Variants in HIP1 observed in about 807,000 individuals in gnomAD.
The protein encoded by HIP1 is huntingtin-interacting protein 1.
In HIP1, 65 loss-of-function variants were observed where a neutral mutation model predicts 147.6. That is an observed-to-expected ratio of 0.44 (90% CI 0.36 to 0.54). The LOEUF (loss-of-function observed/expected upper bound fraction) is 0.54. Ranked by LOEUF, HIP1 falls within the 20% of genes least tolerant of loss-of-function variation. The pLI is 0.00. For missense variants in HIP1, 1,061 were observed against 1,299.6 expected (o/e 0.82, Z 2.82); for synonymous variants, 479 against 504.0 (o/e 0.95, Z 0.67).
chr7:75,594,450 C>A (rs1326793730), intron 2 of HIP1, among the ~76,000 whole-genome samples: 1 of 152,064 alleles, frequency 6.6e-6, no homozygotes, highest in Non-Finnish European at 1.5e-5. Flanking sequence ...CACACCCACC[C>A]TCTGCAGATA....
chr7:75,560,632 T>C (rs1288436160), intron 13 of HIP1, among the ~76,000 whole-genome samples: 1 of 152,180 alleles, frequency 6.6e-6, no homozygotes, highest in Non-Finnish European at 1.5e-5. Context: ...ACCAAGGTCA[T>C]CTCTGGGTAT....
intron 1 of HIP1, among the ~76,000 whole-genome samples, chr7:75,674,224 G>T (rs1355184761): frequency 1.3e-5 from 2 of 152,112 alleles, no homozygotes; most frequent in African/African-American, 4.8e-5. Context: ...GTTCTAACAA[G>T]TTCTAGTCAA....
intron 1 of HIP1, among the ~76,000 whole-genome samples, chr7:75,700,342 G>A (rs535127276): frequency 2.0e-5 from 3 of 152,250 alleles, no homozygotes; most frequent in South Asian, 2.1e-4. Context: ...GACTTGTGGC[G>A]CCTGGCCCTG....
chr7:75,729,284 C>T (rs1383493840), intron 1 of HIP1, among the ~76,000 whole-genome samples: 5 of 106,232 alleles, frequency 4.7e-5, no homozygotes, highest in East Asian at 3.1e-4. Flanking sequence ...GCCTGGGCAA[C>T]GTAGTGAGAT....
chr7:75,692,587 A>T (rs1388191083), intron 1 of HIP1, among the ~76,000 whole-genome samples: 1 of 143,120 alleles, frequency 7.0e-6, no homozygotes, highest in Non-Finnish European at 1.5e-5. Flanking sequence ...CGCCTGGCCA[A>T]TTTTTTTTTT....
At chr7:75,608,377 C>A (rs587655639) in intron 1 of HIP1, among the ~76,000 whole-genome samples, 1 of 152,102 alleles carries the variant, frequency 6.6e-6, no homozygotes, top group Non-Finnish European at 1.5e-5. Context: ...GATTTTGATA[C>A]GGTTGATGAA....
chr7:75,721,567 T>G (rs1162365328), intron 1 of HIP1, among the ~76,000 whole-genome samples: 1 of 151,962 alleles, frequency 6.6e-6, no homozygotes, highest in African/African-American at 2.4e-5. Context: ...ATTATTTTTG[T>G]TATATGCTAC....
intron 1 of HIP1, among the ~76,000 whole-genome samples, chr7:75,724,909 T>G (rs997209807): frequency 2.0e-5 from 3 of 152,156 alleles, no homozygotes; most frequent in Non-Finnish European, 4.4e-5. Flanking sequence ...AGGGCAGCAT[T>G]GGGAATGCTT....
At chr7:75,550,392 C>T (rs139594327) in intron 22 of HIP1, among the ~76,000 whole-genome samples, 49 of 152,250 alleles carry the variant, frequency 3.2e-4, no homozygotes, top group Middle Eastern at 3.4e-3. Context: ...AATTCAAGAG[C>T]GTGGTTGTTG....
intron 1 of HIP1, among the ~76,000 whole-genome samples, chr7:75,692,850 A>G (rs187893251): frequency 3.3e-5 from 5 of 152,252 alleles, no homozygotes; most frequent in African/African-American, 1.2e-4. Context: ...CAAATATTTT[A>G]GTAAATAATC....
chr7:75,555,672 T>A (rs1794973845), intron 18 of HIP1, 121 bp from the exon 19 acceptor site: 1 of 1,082,932 alleles, frequency 9.2e-7, no homozygotes. Flanking sequence ...TCCAAGCCAG[T>A]AAGCCTGAGA....
At chr7:75,623,064 G>A (rs1193836099) in intron 1 of HIP1, among the ~76,000 whole-genome samples, 1 of 151,710 alleles carries the variant, frequency 6.6e-6, no homozygotes, top group Admixed American at 6.6e-5. Context: ...CAGGCGTGGT[G>A]GTGCGTGCCT....
intron 1 of HIP1, among the ~76,000 whole-genome samples, chr7:75,691,406 G>A (rs943575431): frequency 1.7e-4 from 26 of 151,750 alleles, no homozygotes; most frequent in African/African-American, 4.6e-4. Context: ...CAGGAGAATC[G>A]CTTGAACCTG....
intron 1 of HIP1, among the ~76,000 whole-genome samples, chr7:75,732,529 C>T (rs1801870294): frequency 6.6e-6 from 1 of 152,056 alleles, no homozygotes; most frequent in Non-Finnish European, 1.5e-5. Context: ...ACCACCATGC[C>T]CAGCTAATTA....
At chr7:75,657,762 A>G (rs528238934) in intron 1 of HIP1, among the ~76,000 whole-genome samples, 2 of 152,044 alleles carry the variant, frequency 1.3e-5, no homozygotes, top group East Asian at 3.9e-4. Context: ...GGAGGGGGAG[A>G]AAGGCTGAAA....
intron 1 of HIP1, among the ~76,000 whole-genome samples, chr7:75,634,941 GAAAAAAAAAAAAAA>G (rs58461422): frequency 1.6e-5 from 1 of 62,582 alleles, no homozygotes; most frequent in Non-Finnish European, 2.9e-5. Flanking sequence ...CACTATCTCT[GAAAAAAAAAAAAAA>G]AAAAAAAAAA....
At chr7:75,538,919 G>T (rs1451518092) in intron 30 of HIP1, among the ~76,000 whole-genome samples, 5 of 152,052 alleles carry the variant, frequency 3.3e-5, no homozygotes, top group African/African-American at 1.2e-4. Flanking sequence ...GCCCTTCACT[G>T]GCTCTAGATA....
At chr7:75,651,042 T>C (rs1434312348) in intron 1 of HIP1, among the ~76,000 whole-genome samples, 2 of 152,064 alleles carry the variant, frequency 1.3e-5, no homozygotes, top group Non-Finnish European at 2.9e-5. Flanking sequence ...CCCGCACATT[T>C]CTTTTTGAGA....
chr7:75,583,756 T>TGTGTGTGTGTG (rs1796144551), intron 5 of HIP1, among the ~76,000 whole-genome samples: 4 of 115,518 alleles, frequency 3.5e-5, no homozygotes, highest in South Asian at 3.2e-4. Context: ...GCGGGCTAAT[T>TGTGTGTGTGTG]TGTGTGTGTG....
Sources: allele counts gnomAD v4.1 joint callset (sites outside exome capture counted in the v4.1 genomes callset), GRCh38; gene constraint gnomAD v4.1.1; transcripts MANE v1.5; gene names NCBI Gene and HGNC (gene_info 2026-07-23, HGNC 2026-07-21).